The following SGMS1 variants were observed in gnomAD, a reference collection of about 807,000 sequenced individuals.
SGMS1 encodes sphingomyelin synthase 1.
In SGMS1, 13 loss-of-function variants were observed where a neutral mutation model predicts 46.2. The observed-to-expected ratio is 0.28, with a 90% CI of 0.18 to 0.45. SGMS1 has a LOEUF of 0.45. Ranked by LOEUF, SGMS1 falls within the 20% of genes least tolerant of loss-of-function variation. SGMS1 has a pLI of 1.00. For synonymous variants in SGMS1, 203 were observed against 187.8 expected (o/e 1.08, Z -0.66); for missense variants, 324 against 519.9 (o/e 0.62, Z 3.66).
At chr10:50,312,748 C>T (rs1418759690) in intron 8 of SGMS1, among the ~76,000 whole-genome samples, 1 of 152,174 alleles carries the variant, frequency 6.6e-6, no homozygotes. Context: ...CGCTTATATA[C>T]TCTTTTCCAG....
intron 5 of SGMS1, among the ~76,000 whole-genome samples, chr10:50,442,940 G>A (rs1422767154): frequency 6.6e-6 from 1 of 152,122 alleles, no homozygotes; most frequent in African/African-American, 2.4e-5. Flanking sequence ...ATCTTTGCCT[G>A]TGCCTATTTT....
intron 7 of SGMS1, among the ~76,000 whole-genome samples, chr10:50,338,219 T>C (rs1279876837): frequency 6.6e-6 from 1 of 152,200 alleles, no homozygotes; most frequent in East Asian, 1.9e-4. Flanking sequence ...TATGCCAGAA[T>C]GTTTTACCAC....
chr10:50,405,513 A>T (rs1288662977), intron 6 of SGMS1, among the ~76,000 whole-genome samples: 7 of 152,350 alleles, frequency 4.6e-5, no homozygotes, highest in African/African-American at 1.7e-4. Context: ...GCCACAAAAA[A>T]TTAGCAGTTT....
chr10:50,439,751 A>G (rs976431461), intron 5 of SGMS1, among the ~76,000 whole-genome samples: 2 of 152,206 alleles, frequency 1.3e-5, no homozygotes, highest in African/African-American at 2.4e-5. Flanking sequence ...GTAAACTGAA[A>G]TGCTCCCAAA....
intron 5 of SGMS1, among the ~76,000 whole-genome samples, chr10:50,447,140 T>G (rs1837028437): frequency 6.6e-6 from 1 of 152,182 alleles, no homozygotes; most frequent in Non-Finnish European, 1.5e-5. Flanking sequence ...ACTTACCACA[T>G]TAACAATTTA....
At chr10:50,416,090 A>G (rs1383904654) in intron 6 of SGMS1, among the ~76,000 whole-genome samples, 1 of 152,228 alleles carries the variant, frequency 6.6e-6, no homozygotes, top group Non-Finnish European at 1.5e-5. Context: ...GAGTAAATGC[A>G]TAATTCCTTG....
chr10:50,323,282 A>T (rs1186320090), intron 8 of SGMS1, among the ~76,000 whole-genome samples: 1 of 152,152 alleles, frequency 6.6e-6, no homozygotes, highest in South Asian at 2.1e-4. Context: ...TAAGGGAAGC[A>T]TTAAGTACAC....
chr10:50,357,794 T>A (rs1369340555), intron 6 of SGMS1, among the ~76,000 whole-genome samples: 2 of 152,222 alleles, frequency 1.3e-5, no homozygotes, highest in Non-Finnish European at 2.9e-5. Context: ...TTAATTTTTA[T>A]GATTTTTTAA....
chr10:50,491,629 T>A lies in SGMS1; in HGVS notation c.-497-24697A>T, dbSNP rs566793148. Reference sequence around the variant, plus strand: ...AAGATTGAGTTGGGAAGAAATTGAATCCCTGAACAGACCAATAACGAACTC... The same window carrying A: ...AAGATTGAGTTGGGAAGAAATTGAAACCCTGAACAGACCAATAACGAACTC... On this transcript the variant is annotated intron_variant, in intron 3 of 10. Coordinates refer to ENST00000361781, the MANE Select transcript of SGMS1 (RefSeq NM_147156.4). 7.9e-5 allele frequency among the ~76,000 whole-genome samples: 12 copies of A among 152,198 alleles called. No homozygotes were observed. The South Asian group carries it at 2.5e-3, about 32-fold the overall frequency.
At chr10:50,423,779 T>C (rs1849285779) in intron 6 of SGMS1, among the ~76,000 whole-genome samples, 2 of 152,244 alleles carry the variant, frequency 1.3e-5, no homozygotes, top group Admixed American at 6.5e-5. Flanking sequence ...TGAAATTATA[T>C]GTCAATGAAA....
intron 1 of SGMS1, among the ~76,000 whole-genome samples, chr10:50,619,572 C>T (rs1380495882): frequency 6.6e-6 from 1 of 152,102 alleles, no homozygotes; most frequent in Non-Finnish European, 1.5e-5. Flanking sequence ...AGGAGAAAAA[C>T]GTAAAACAAG....
chr10:50,500,877 T>C (rs560975434), intron 3 of SGMS1, among the ~76,000 whole-genome samples: 1 of 152,352 alleles, frequency 6.6e-6, no homozygotes, highest in South Asian at 2.1e-4. Context: ...CATTGTTCCA[T>C]TAAAATTCTT....
At chr10:50,443,740 A>G (rs1237296573) in intron 5 of SGMS1, among the ~76,000 whole-genome samples, 1 of 152,090 alleles carries the variant, frequency 6.6e-6, no homozygotes, top group Non-Finnish European at 1.5e-5. Context: ...TTAACATAAA[A>G]GACTTTTTTT....
chr10:50,407,633 A>G (rs1446274355), intron 6 of SGMS1, among the ~76,000 whole-genome samples: 6 of 152,110 alleles, frequency 3.9e-5, no homozygotes, highest in Admixed American at 3.9e-4. Flanking sequence ...CGCCGTAAAT[A>G]AGAGTGGCTT....
chr10:50,457,689 G>C (rs142070734), intron 5 of SGMS1, among the ~76,000 whole-genome samples: 1 of 152,184 alleles, frequency 6.6e-6, no homozygotes, highest in Non-Finnish European at 1.5e-5. Flanking sequence ...TCCTGTATTA[G>C]TTCGCTTAAA....
At chr10:50,326,171 T>A (rs1047712322) in intron 8 of SGMS1, among the ~76,000 whole-genome samples, 2 of 151,664 alleles carry the variant, frequency 1.3e-5, no homozygotes, top group African/African-American at 4.8e-5. Context: ...ATTAAAAAAA[T>A]TAAAAAATTA....
chr10:50,495,978 T>C (rs907213464), intron 3 of SGMS1, among the ~76,000 whole-genome samples: 1 of 152,188 alleles, frequency 6.6e-6, no homozygotes, highest in Non-Finnish European at 1.5e-5. Flanking sequence ...ACGTATTTCC[T>C]TTTTTTAATT....
chr10:50,430,712 C>T (rs905428925), intron 6 of SGMS1, among the ~76,000 whole-genome samples: 1 of 152,144 alleles, frequency 6.6e-6, no homozygotes, highest in African/African-American at 2.4e-5. Context: ...GGTAATTTCT[C>T]TTTCTCTTCT....
chr10:50,307,905 G>A lies in SGMS1; in HGVS notation c.1062+77C>T, dbSNP rs1847199544. On this transcript the variant is annotated intron_variant, in intron 10 of 10. Coordinates refer to ENST00000361781, the MANE Select transcript of SGMS1 (RefSeq NM_147156.4). The surrounding 1 kb of genome is among the most constrained non-coding windows in gnomAD (Gnocchi z 4.2). ...AAAGAGAAACTTCAGACATCCACAG[G>A]TTCTTTGCACCCTGTCCAAGCCAGC... is the stretch of plus-strand genomic sequence containing the variant. 1 of 1,456,142 alleles carries A rather than the reference G, an allele frequency of 6.9e-7. No individual in the cohort carries two copies. Among genetic ancestry groups the A allele is most frequent in the Non-Finnish European group, 9.5e-7 (1 of 1,055,574 alleles). 90.2% of individuals were successfully genotyped at this position (1,456,142 alleles called of 1,614,324 possible).
Sources: allele counts gnomAD v4.1 joint callset (sites outside exome capture counted in the v4.1 genomes callset), GRCh38; gene constraint gnomAD v4.1.1; non-coding constraint Gnocchi (gnomAD v3.1); transcripts MANE v1.5; gene names NCBI Gene and HGNC (gene_info 2026-07-23, HGNC 2026-07-21).